Variants in CLIC5 observed in about 807,000 individuals in gnomAD.
The protein encoded by CLIC5 is chloride intracellular channel protein 5.
Under a neutral mutation model 24.7 loss-of-function variants are expected in CLIC5, and 20 were observed. The ratio of observed to expected loss-of-function variants is 0.81; its 90% CI spans 0.57 to 1.18. The LOEUF (loss-of-function observed/expected upper bound fraction) is 1.18, where lower values mean the gene tolerates loss of function less well. CLIC5 is among the 50% of genes most tolerant of loss of function. CLIC5 has a pLI of 0.00. For synonymous variants in CLIC5, 159 were observed against 135.6 expected (o/e 1.17, Z -1.20); for missense variants, 341 against 326.1 (o/e 1.05, Z -0.35).
At chr6:45,940,914 G>C (rs1417660331) in intron 4 of CLIC5, among the ~76,000 whole-genome samples, 4 of 152,214 alleles carry the variant, frequency 2.6e-5, no homozygotes, top group African/African-American at 4.8e-5. Flanking sequence ...AGCATAACTG[G>C]GGGGGACTCA....
the CLIC5 span, among the ~76,000 whole-genome samples, chr6:46,122,340 T>C: frequency 6.6e-6 from 1 of 152,144 alleles, no homozygotes; most frequent in Non-Finnish European, 1.5e-5. Context: ...ACTGGGTACA[T>C]AACAAAATGA....
intron 4 of CLIC5, among the ~76,000 whole-genome samples, chr6:45,927,050 A>G (rs1763526533): frequency 1.3e-5 from 2 of 152,206 alleles, no homozygotes; most frequent in African/African-American, 4.8e-5. Flanking sequence ...GTGAGGTTCC[A>G]CAGCGGGGAC....
the CLIC5 span, chr6:46,123,178 C>T: frequency 6.6e-6 from 1 of 152,164 alleles, no homozygotes; most frequent in Non-Finnish European, 1.5e-5. Flanking sequence ...ATGCAAAAAT[C>T]CTCAATAAAA....
At chr6:46,065,952 T>C (rs76633334) in intron 1 of CLIC5, among the ~76,000 whole-genome samples, 7,475 of 152,216 alleles carry the variant, frequency 0.049, 260 homozygotes, top group Non-Finnish European at 0.071. Context: ...GCAACATACA[T>C]ACTAGGGCAT....
chr6:46,076,013 A>C (rs954218302), intron 1 of CLIC5, among the ~76,000 whole-genome samples: 1 of 152,190 alleles, frequency 6.6e-6, no homozygotes, highest in Non-Finnish European at 1.5e-5. Flanking sequence ...CTCTTGCCTG[A>C]AGTTTGTCAG....
At chr6:46,024,057 G>T (rs1253445796) in intron 1 of CLIC5, among the ~76,000 whole-genome samples, 2 of 152,156 alleles carry the variant, frequency 1.3e-5, no homozygotes, top group Non-Finnish European at 1.5e-5. Context: ...GGAAAGCAAG[G>T]TTAGGGACAT....
chr6:46,047,094 G>A (rs1325735746), intron 1 of CLIC5, among the ~76,000 whole-genome samples: 1 of 152,164 alleles, frequency 6.6e-6, no homozygotes, highest in Admixed American at 6.5e-5. Flanking sequence ...AGCTGCAACT[G>A]GTTAAGACCA....
At chr6:46,074,604 A>G (rs894664894) in intron 1 of CLIC5, among the ~76,000 whole-genome samples, 18 of 152,206 alleles carry the variant, frequency 1.2e-4, no homozygotes, top group African/African-American at 4.3e-4. Flanking sequence ...GTTCTATCAG[A>G]GATAGGCTCT....
At chr6:46,113,891 A>C in the CLIC5 span, among the ~76,000 whole-genome samples, 14,741 of 152,230 alleles carry the variant, frequency 0.097, 834 homozygotes, top group East Asian at 0.16. Context: ...CCATAAGCCA[A>C]GGAGAGTGTC....
intron 1 of CLIC5, among the ~76,000 whole-genome samples, chr6:46,028,948 C>T (rs1767421325): frequency 6.6e-6 from 1 of 152,108 alleles, no homozygotes; most frequent in African/African-American, 2.4e-5. Flanking sequence ...CCCTAAATAT[C>T]CTCTGTGCCC....
At chr6:46,090,872 G>A in the CLIC5 span, among the ~76,000 whole-genome samples, 1 of 152,200 alleles carries the variant, frequency 6.6e-6, no homozygotes, top group Non-Finnish European at 1.5e-5. Context: ...TAAACAGACT[G>A]TAACCTACTC....
intron 1 of CLIC5, among the ~76,000 whole-genome samples, chr6:45,967,854 G>C (rs559734435): frequency 6.6e-6 from 1 of 152,108 alleles, no homozygotes; most frequent in South Asian, 2.1e-4. Flanking sequence ...CTATCAGAGC[G>C]AGAACTCACT....
At chr6:45,978,610 T>C (rs1018549435) in intron 1 of CLIC5, among the ~76,000 whole-genome samples, 10 of 152,338 alleles carry the variant, frequency 6.6e-5, no homozygotes, top group African/African-American at 2.4e-4. Context: ...ATGCTGAGGC[T>C]TCTAGTGTAG....
intron 6 of CLIC5, among the ~76,000 whole-genome samples, chr6:45,882,739 A>G (rs1160040896): frequency 6.6e-6 from 1 of 152,244 alleles, no homozygotes; most frequent in African/African-American, 2.4e-5. Context: ...TGATACAAAA[A>G]TTAATGGTAT....
At chr6:45,943,888 C>A (rs1163192655) in intron 3 of CLIC5, among the ~76,000 whole-genome samples, 6 of 152,092 alleles carry the variant, frequency 3.9e-5, no homozygotes, top group Non-Finnish European at 7.4e-5. Context: ...GTGGGAAGTG[C>A]GTCTCTAAGA....
intron 1 of CLIC5, among the ~76,000 whole-genome samples, chr6:46,076,218 T>G (rs1003697983): frequency 6.6e-6 from 1 of 152,136 alleles, no homozygotes; most frequent in African/African-American, 2.4e-5. Flanking sequence ...TCCAGCCTCA[T>G]CTCCTACCAC....
chr6:46,063,332 A>T (rs766211228), intron 1 of CLIC5, among the ~76,000 whole-genome samples: 1 of 152,226 alleles, frequency 6.6e-6, no homozygotes, highest in Non-Finnish European at 1.5e-5. Context: ...CTGACAGAGT[A>T]AAAGAAACCA....
At position 45,992,984 on chromosome 6, in the gene CLIC5, G is replaced by A. The variant is rs562518654; in HGVS notation, c.63+22496C>T. 8.5e-5 allele frequency among the ~76,000 whole-genome samples: 13 copies of A among 152,252 alleles called. 1 individual carries two copies. In the South Asian group the frequency reaches 2.7e-3, roughly 32 times the overall value. On this transcript the variant is annotated intron_variant, in intron 1 of 5. Transcript: ENST00000339561. ...ACAGACACACAAACACAAGCTAACT[G>A]GGCAGAGGTCTGAAAAGCATTTTGA...
At chr6:46,044,316 G>C (rs1217267238) in intron 1 of CLIC5, among the ~76,000 whole-genome samples, 1 of 152,198 alleles carries the variant, frequency 6.6e-6, no homozygotes, top group Non-Finnish European at 1.5e-5. Context: ...GACTGCACTT[G>C]ACAGGCTCTT....
Sources: gnomAD v4.1 joint callset for allele counts (sites outside exome capture counted in the v4.1 genomes callset) on GRCh38, gnomAD v4.1.1 for gene constraint, MANE v1.5 for transcripts, NCBI Gene and HGNC (gene_info 2026-07-23, HGNC 2026-07-21) for gene names.